The following EVI5 variants were observed in gnomAD, a reference collection of about 807,000 sequenced individuals.
EVI5 encodes the protein ecotropic viral integration site 5 protein homolog.
In EVI5, 73 loss-of-function variants were observed where a neutral mutation model predicts 112.0. The observed-to-expected ratio is 0.65, with a 90% CI of 0.54 to 0.79. EVI5 has a LOEUF of 0.79. EVI5 is among the 30% of genes least tolerant of loss of function. EVI5 has a pLI of 0.00. For synonymous variants in EVI5, 305 were observed against 319.9 expected (o/e 0.95, Z 0.50); for missense variants, 900 against 968.8 (o/e 0.93, Z 0.94).
intron 16 of EVI5, among the ~76,000 whole-genome samples, chr1:92,617,586 TG>T (rs1391332893): frequency 1.3e-5 from 2 of 152,146 alleles, no homozygotes; most frequent in African/African-American, 2.4e-5. Flanking sequence ...GTGGCAGGGA[TG>T]GAAGTTACAC....
chr1:92,558,717 A>G (rs1454677439), intron 19 of EVI5, among the ~76,000 whole-genome samples: 1 of 152,022 alleles, frequency 6.6e-6, no homozygotes, highest in Non-Finnish European at 1.5e-5. Flanking sequence ...AACCATCCAA[A>G]GAAGGCAGGC....
chr1:92,668,071 A>G (rs192360575), intron 10 of EVI5, among the ~76,000 whole-genome samples: 78 of 152,334 alleles, frequency 5.1e-4, no homozygotes, highest in Non-Finnish European at 6.5e-4. Flanking sequence ...AAAGACTTAA[A>G]TATGGCTTTA....
At chr1:92,759,865 C>CT (rs1474289626) in intron 1 of EVI5, among the ~76,000 whole-genome samples, 1 of 142,080 alleles carries the variant, frequency 7.0e-6, no homozygotes, top group Non-Finnish European at 1.5e-5. Context: ...ACCCTCCCCC[C>CT]CACATACATT....
chr1:92,594,926 G>A (rs1263465596), intron 18 of EVI5, among the ~76,000 whole-genome samples: 4 of 152,216 alleles, frequency 2.6e-5, no homozygotes, highest in African/African-American at 7.2e-5. Flanking sequence ...AACAGGTCCT[G>A]GAGAGGATGT....
At chr1:92,740,246 A>G (rs1678149420) in intron 1 of EVI5, among the ~76,000 whole-genome samples, 1 of 152,190 alleles carries the variant, frequency 6.6e-6, no homozygotes, top group Non-Finnish European at 1.5e-5. Flanking sequence ...CTTCCTTCAA[A>G]AAGTACAGGA....
At chr1:92,746,559 C>G (rs768144966) in intron 1 of EVI5, among the ~76,000 whole-genome samples, 1 of 151,986 alleles carries the variant, frequency 6.6e-6, no homozygotes, top group Non-Finnish European at 1.5e-5. Context: ...AACCCTGTCT[C>G]CACTAAAAAT....
At position 92,513,875 on chromosome 1, in the gene EVI5, G is replaced by A. The variant is rs41286809; in HGVS notation, c.2262C>T (p.Phe754=). Residue 754 remains phenylalanine, a synonymous_variant, in exon 20 of 20, where the codon TTC becomes TTT. Coordinates refer to ENST00000684568, the MANE Select transcript of EVI5 (RefSeq NM_001350197.2). ...CTATAAAATCTTCATCGGAGGAATG[G>A]AATGATTCATCATCTCCTATTAAAT... ...VNHLIGDDES[F]HSSDEDFIDN... The A allele has an allele frequency of 0.014, 21,793 of 1,612,700 alleles. 189 individuals carry two copies. Among genetic ancestry groups the A allele is most frequent in the Non-Finnish European group, 0.016 (18,783 of 1,179,046 alleles).
At chr1:92,685,751 AG>A (rs1489711869) in intron 9 of EVI5, among the ~76,000 whole-genome samples, 1 of 152,246 alleles carries the variant, frequency 6.6e-6, no homozygotes, top group Non-Finnish European at 1.5e-5. Flanking sequence ...AACAACCATC[AG>A]AGAATACTAT....
rs1664250183 is a variant in EVI5, at chr1:92,662,823, T to C, written c.1288A>G (p.Ile430Val). The change falls in exon 13 of 20, where the codon ATA becomes GTA. Residue 430 changes from isoleucine (I) to valine (V), a missense_variant. Transcript: ENST00000684568. ...RAQEAEENYLIKRELATIKQQ... is the reference protein window; with the variant it reads ...RAQEAEENYLVKRELATIKQQ... ...TTGATGGTGGCCAACTCCCGTTTTA[T>C]GAGGTAGTTTTCCTCAGCCTCCTGG... 1.2e-5 allele frequency: 15 copies of C among 1,289,346 alleles called. No homozygotes were observed. The highest frequency in any genetic ancestry group is 1.5e-5 in the Non-Finnish European group (15 of 988,752). The allele number at this position is 1,289,346 out of a possible 1,614,324, so 79.9% of individuals were successfully genotyped here. A position where few individuals can be genotyped will look rare whatever the true frequency, so the allele number is the denominator to read the frequency against.
At chr1:92,653,129 G>T (rs1263513158) in intron 13 of EVI5, among the ~76,000 whole-genome samples, 2 of 152,186 alleles carry the variant, frequency 1.3e-5, no homozygotes, top group Non-Finnish European at 2.9e-5. Flanking sequence ...CAGCGATAGG[G>T]TGCTATACTG....
At chr1:92,677,912 C>T (rs1269544323) in intron 9 of EVI5, among the ~76,000 whole-genome samples, 1 of 152,072 alleles carries the variant, frequency 6.6e-6, no homozygotes, top group Non-Finnish European at 1.5e-5. Context: ...CATCATGCAC[C>T]CCTGTTAAGA....
At chr1:92,630,447 T>C (rs1227279956) in intron 14 of EVI5, among the ~76,000 whole-genome samples, 4 of 152,252 alleles carry the variant, frequency 2.6e-5, no homozygotes, top group Non-Finnish European at 5.9e-5. Context: ...CATGTGTCTT[T>C]TGGCTGCATA....
In EVI5 at chr1:92,563,624, T is replaced by C. The variant is rs1311426467; in HGVS notation, c.2166+18A>G. The C allele has an allele frequency of 7.3e-7, 1 of 1,373,454 alleles. No individual in the cohort carries two copies. The highest frequency in any genetic ancestry group is 1.2e-5 in the South Asian group (1 of 80,108). The allele number at this position is 1,373,454 out of a possible 1,614,324, so 85.1% of individuals were successfully genotyped here. A position where few individuals can be genotyped will look rare whatever the true frequency, so the allele number is the denominator to read the frequency against. ...GAAGGAAGAAAGCAATATGTGAAGA[T>C]CAAAATTTATCACTTACCTCATGAT... On this transcript the variant is annotated intron_variant, in intron 19 of 19. Coordinates refer to ENST00000684568, the MANE Select transcript of EVI5 (RefSeq NM_001350197.2).
intron 19 of EVI5, among the ~76,000 whole-genome samples, chr1:92,553,199 C>T (rs922300962): frequency 1.3e-5 from 2 of 151,834 alleles, no homozygotes; most frequent in East Asian, 1.9e-4. Flanking sequence ...GGTACAATCT[C>T]GGCTCACTGC....
intron 14 of EVI5, among the ~76,000 whole-genome samples, chr1:92,630,007 T>C (rs995851105): frequency 1.3e-5 from 2 of 152,194 alleles, no homozygotes; most frequent in Non-Finnish European, 2.9e-5. Flanking sequence ...TCATCCTTTT[T>C]AATGGCTGCA....
At chr1:92,653,329 C>A (rs114745103) in intron 13 of EVI5, among the ~76,000 whole-genome samples, 1 of 152,190 alleles carries the variant, frequency 6.6e-6, no homozygotes, top group African/African-American at 2.4e-5. Flanking sequence ...AAGTATTGCA[C>A]GCCAAGGGAG....
At chr1:92,766,726 T>G (rs748379463) in intron 1 of EVI5, among the ~76,000 whole-genome samples, 1 of 152,228 alleles carries the variant, frequency 6.6e-6, no homozygotes, top group Non-Finnish European at 1.5e-5. Context: ...CTCCATGGTT[T>G]CAGCTACCTG....
chr1:92,708,536 T>C (rs555706722), intron 2 of EVI5, among the ~76,000 whole-genome samples: 1 of 152,200 alleles, frequency 6.6e-6, no homozygotes, highest in South Asian at 2.1e-4. Context: ...GAATGTAAAA[T>C]GGTACAAGCA....
chr1:92,729,845 A>G (rs1395279520), intron 2 of EVI5, among the ~76,000 whole-genome samples: 1 of 152,236 alleles, frequency 6.6e-6, no homozygotes, highest in Non-Finnish European at 1.5e-5. Context: ...ACTGTATCAC[A>G]AACAAAATTT....
Sources: gnomAD v4.1 joint callset for allele counts (sites outside exome capture counted in the v4.1 genomes callset) on GRCh38, gnomAD v4.1.1 for gene constraint, MANE v1.5 for transcripts, NCBI Gene and HGNC (gene_info 2026-07-23, HGNC 2026-07-21) for gene names.